AUTS2: variants seen among roughly 807,000 people sequenced by gnomAD.
AUTS2 encodes the protein autism susceptibility gene 2 protein.
AUTS2 carries 17 observed loss-of-function variants against 112.4 expected under a neutral mutation model. The observed-to-expected ratio is 0.15, with a 90% confidence interval of 0.10 to 0.23. AUTS2 has a LOEUF of 0.23. AUTS2 is among the 10% of genes least tolerant of loss of function. The pLI is 1.00. For synonymous variants in AUTS2, 751 were observed against 702.7 expected, an observed-to-expected ratio of 1.07 and a Z score of -1.09; for missense variants, 1,510 against 1,701.6, an observed-to-expected ratio of 0.89 and a Z score of 1.98.
chr7:70,587,760 A>G (rs1470085665), intron 5 of AUTS2, among the ~76,000 whole-genome samples: 3 of 152,204 alleles, frequency 2.0e-5, no homozygotes, highest in Admixed American at 6.5e-5. Flanking sequence ...TGGCAATTGT[A>G]TGTGGTCCAA....
chr7:70,061,898 C>T (rs927740001), intron 2 of AUTS2, among the ~76,000 whole-genome samples: 5 of 151,828 alleles, frequency 3.3e-5, no homozygotes, highest in Non-Finnish European at 7.4e-5. Flanking sequence ...AGCAATTCTC[C>T]CACCTCAGCC....
chr7:70,249,152 G>A (rs1813080882), intron 4 of AUTS2, among the ~76,000 whole-genome samples: 1 of 152,124 alleles, frequency 6.6e-6, no homozygotes, highest in Admixed American at 6.5e-5. Flanking sequence ...TTCCTTTAAT[G>A]TAATTTGTTC....
intron 17 of AUTS2, chr7:70,786,869 T>C (rs965269256): frequency 5.2e-6 from 2 of 382,978 alleles, no homozygotes; most frequent in Non-Finnish European, 4.9e-6. Flanking sequence ...AATCCCACCA[T>C]CATAACACAC....
intron 5 of AUTS2, among the ~76,000 whole-genome samples, chr7:70,644,457 C>T (rs1585428383): frequency 6.6e-6 from 1 of 152,162 alleles, no homozygotes; most frequent in East Asian, 1.9e-4. Context: ...GGGTCAACAG[C>T]AGCCACGTTT....
At chr7:69,690,366 G>A (rs1284608555) in intron 1 of AUTS2, among the ~76,000 whole-genome samples, 1 of 152,172 alleles carries the variant, frequency 6.6e-6, no homozygotes, top group East Asian at 1.9e-4. Flanking sequence ...AACCTCTGTG[G>A]CCTATGGTGC....
intron 5 of AUTS2, among the ~76,000 whole-genome samples, chr7:70,577,298 TG>T (rs1802211534): frequency 6.6e-6 from 1 of 152,228 alleles, no homozygotes; most frequent in Non-Finnish European, 1.5e-5. Flanking sequence ...CTGGCCCATC[TG>T]TTATAAATAA....
rs192526569 is a variant in AUTS2, at chr7:70,315,633, C to A, written c.661-120119C>A. ...CCTTTCTCAAATAGAAATAACTATC[C>A]CTTTTTCCCAAAGTAAATTTCTCCT... On this transcript the variant is annotated intron_variant, in intron 4 of 18. Coordinates refer to ENST00000342771, the MANE Select transcript of AUTS2 (RefSeq NM_015570.4). 7.7e-4 allele frequency among the ~76,000 whole-genome samples: 117 copies of A among 152,244 alleles called. No individual in the cohort carries two copies. In the Middle Eastern group the frequency reaches 0.01, roughly 13 times the overall value.
At chr7:70,380,217 T>A (rs1322573223) in intron 4 of AUTS2, among the ~76,000 whole-genome samples, 1 of 152,214 alleles carries the variant, frequency 6.6e-6, no homozygotes, top group Non-Finnish European at 1.5e-5. Flanking sequence ...TGACATTCTC[T>A]CCTCTTTTCT....
intron 2 of AUTS2, among the ~76,000 whole-genome samples, chr7:70,085,806 A>G (rs1584698061): frequency 6.6e-6 from 1 of 152,066 alleles, no homozygotes; most frequent in African/African-American, 2.4e-5. Context: ...CTTTTTACTA[A>G]TCAATTTGTC....
In AUTS2 at chr7:70,755,219, G is replaced by A. The variant is rs138262703; in HGVS notation, c.743-7651G>A. 8.2e-3 allele frequency among the ~76,000 whole-genome samples: 1,243 copies of A among 152,088 alleles called. 9 individuals are homozygous for A. Among genetic ancestry groups the A allele is most frequent in the African/African-American group, 0.028 (1,154 of 41,486 alleles). On this transcript the variant is annotated intron_variant, in intron 6 of 18. Transcript: ENST00000342771. ...ACCATGTGAGTTTGAGGCTGCAATG[G>A]GCTATGATCACTCCAGCGTGGGCGA... is the stretch of plus-strand genomic sequence containing the variant.
chr7:69,838,086 G>A (rs1248016749), intron 1 of AUTS2, among the ~76,000 whole-genome samples: 2 of 152,166 alleles, frequency 1.3e-5, no homozygotes, highest in African/African-American at 4.8e-5. Context: ...GATTGGTATG[G>A]ATAAATACTG....
chr7:70,013,867 A>G lies in AUTS2; in HGVS notation c.523-104265A>G, dbSNP rs374740456. 5.9e-5 allele frequency among the ~76,000 whole-genome samples: 9 copies of G among 152,142 alleles called. No individual in the cohort carries two copies. In the East Asian group the frequency reaches 1.6e-3, roughly 26 times the overall value. ...CAAGTAGCTGGGACTACAGGCACGT[A>G]TCACCACGCCCGGCTAATGTTTTGT... On this transcript the variant is annotated intron_variant, in intron 2 of 18. Transcript: ENST00000342771.
intron 4 of AUTS2, among the ~76,000 whole-genome samples, chr7:70,398,399 T>C (rs2130037338): frequency 6.6e-6 from 1 of 152,218 alleles, no homozygotes; most frequent in East Asian, 1.9e-4. Context: ...TTTATTTAGA[T>C]CTTCTTTCAT....
At chr7:70,028,891 A>T (rs1175085492) in intron 2 of AUTS2, among the ~76,000 whole-genome samples, 1 of 152,114 alleles carries the variant, frequency 6.6e-6, no homozygotes, top group Non-Finnish European at 1.5e-5. Context: ...TCTGCTGAAG[A>T]TTCACGGTCT....
intron 5 of AUTS2, among the ~76,000 whole-genome samples, chr7:70,520,826 A>G (rs1183330044): frequency 6.6e-6 from 1 of 152,192 alleles, no homozygotes; most frequent in East Asian, 1.9e-4. Flanking sequence ...GTCACTGTTT[A>G]AACAAATCAG....
At chr7:70,692,816 A>G (rs1808826065) in intron 5 of AUTS2, among the ~76,000 whole-genome samples, 2 of 151,644 alleles carry the variant, frequency 1.3e-5, no homozygotes, top group South Asian at 4.2e-4. Flanking sequence ...ATGAAATCAA[A>G]TAGTGATAGA....
chr7:70,044,229 C>T (rs1301112858), intron 2 of AUTS2, among the ~76,000 whole-genome samples: 1 of 152,142 alleles, frequency 6.6e-6, no homozygotes, highest in African/African-American at 2.4e-5. Flanking sequence ...CCACAGCTCT[C>T]TGTAGAAGTA....
intron 4 of AUTS2, among the ~76,000 whole-genome samples, chr7:70,351,579 T>C (rs1260226017): frequency 1.3e-5 from 2 of 152,240 alleles, no homozygotes; most frequent in Non-Finnish European, 2.9e-5. Flanking sequence ...TTTTTAAATT[T>C]TGGTGGGGTC....
At chr7:70,085,023 C>T (rs1054073608) in intron 2 of AUTS2, among the ~76,000 whole-genome samples, 2 of 152,120 alleles carry the variant, frequency 1.3e-5, no homozygotes, top group Non-Finnish European at 2.9e-5. Flanking sequence ...CAGGCACGAA[C>T]TACCCTACCC....
Sources: gnomAD v4.1 joint callset for allele counts (sites outside exome capture counted in the v4.1 genomes callset) on GRCh38, gnomAD v4.1.1 for gene constraint, MANE v1.5 for transcripts, NCBI Gene and HGNC (gene_info 2026-07-23, HGNC 2026-07-21) for gene names.